REV3L: variants seen among roughly 807,000 people sequenced by gnomAD.
REV3L encodes the protein DNA polymerase zeta catalytic subunit.
In REV3L, 69 loss-of-function variants were observed where a neutral mutation model predicts 299.4. The observed-to-expected ratio is 0.23, with a 90% CI of 0.19 to 0.28. The LOEUF is 0.28. Ranked by LOEUF, REV3L falls within the 10% of genes least tolerant of loss-of-function variation. The pLI is 1.00. For missense variants in REV3L, 3,128 were observed against 3,693.8 expected, an observed-to-expected ratio of 0.85 and a Z score of 3.97; for synonymous variants, 1,238 against 1,271.4, an observed-to-expected ratio of 0.97 and a Z score of 0.56.
Position 111,310,777 on chromosome 6 carries a change from G to A in REV3L, c.8795+292C>T, listed in dbSNP as rs149967935. The A allele has an allele frequency of 2.8e-4, 83 of 293,402 alleles. No homozygotes were observed. The East Asian group carries it at 4.7e-3, about 17-fold the overall frequency. The allele number at this position is 293,402 out of a possible 1,614,324, so 18.2% of individuals were successfully genotyped here. ...CAGAATGATACCATCTAAATGCTTT[G>A]GTAGAACAATATTAAGGACTACCTA... On this transcript the variant is annotated intron_variant, in intron 29 of 31. Coordinates refer to ENST00000368802, the MANE Select transcript of REV3L (RefSeq NM_001372078.1).
chr6:111,300,254 G>T, intron 31 of REV3L, 98 bp from the exon 32 acceptor site: 1 of 904,550 alleles, frequency 1.1e-6, no homozygotes, highest in Non-Finnish European at 1.6e-6. Flanking sequence ...GACTACCACA[G>T]ATTACTGGCA....
intron 3 of REV3L, among the ~76,000 whole-genome samples, chr6:111,409,099 T>TAAA: frequency 6.6e-6 from 1 of 152,274 alleles, no homozygotes; most frequent in Non-Finnish European, 1.5e-5. Flanking sequence ...TTTACATGTT[T>TAAA]ACAAATCCTT....
intron 21 of REV3L, among the ~76,000 whole-genome samples, chr6:111,341,122 CCT>C (rs755637934): frequency 1.7e-4 from 26 of 148,590 alleles, no homozygotes; most frequent in Non-Finnish European, 3.3e-4. Context: ...GTCACTGCAA[CCT>C]CTGACTCCTG....
intron 22 of REV3L, among the ~76,000 whole-genome samples, chr6:111,334,161 A>G (rs1208879952): frequency 1.3e-5 from 2 of 151,808 alleles, no homozygotes; most frequent in Admixed American, 6.6e-5. Flanking sequence ...GTGGTCTTGA[A>G]CTCCTGACCT....
At chr6:111,447,004 C>G (rs1341459408) in intron 1 of REV3L, among the ~76,000 whole-genome samples, 1 of 152,206 alleles carries the variant, frequency 6.6e-6, no homozygotes. Flanking sequence ...ATACTGATCA[C>G]TAACCTCACA....
chr6:111,353,109 G>A lies in REV3L; in HGVS notation c.7185-1318C>T, dbSNP rs866803642. ...CTCATGAAACACTAAATTGTGAGATGTGCAGCCTGTCCAATTTACAGCATT... is the reference window on the plus strand; with the variant it reads ...CTCATGAAACACTAAATTGTGAGATATGCAGCCTGTCCAATTTACAGCATT... On this transcript the variant is annotated intron_variant, in intron 18 of 31. Coordinates refer to ENST00000368802, the MANE Select transcript of REV3L (RefSeq NM_001372078.1). Among the ~76,000 whole-genome samples, 6 of 152,270 alleles carry A rather than the reference G, an allele frequency of 3.9e-5. No individual in the cohort carries two copies. In the Middle Eastern group the frequency reaches 0.017, roughly 432 times the overall value.
intron 1 of REV3L, among the ~76,000 whole-genome samples, chr6:111,436,588 A>G (rs1787581167): frequency 1.3e-5 from 2 of 152,168 alleles, no homozygotes; most frequent in African/African-American, 2.4e-5. Context: ...AGTGGATCTC[A>G]TGAAGATATA....
At position 111,374,454 on chromosome 6, in the gene REV3L, C is replaced by G; in HGVS notation, c.3901G>C (p.Glu1301Gln). 1 of 1,613,868 alleles carries G rather than the reference C, an allele frequency of 6.2e-7. No individual in the cohort carries two copies. ...TGCAAATCTACAGACTTCTTGCTTT[C>G]TAAGAAAGAAGAAAAGCAGCCAGAT... ...KLSGCFSSFL[E>Q]SKKSVDLQTF... Residue 1301 changes from glutamate to glutamine, a missense_variant, in exon 13 of 32, where the codon GAA becomes CAA. By Grantham distance (29) the Glu-to-Gln change is conservative. Around this residue, in one of 9 missense-constraint regions of REV3L, gnomAD observed 2,409 missense variants for 2,611.8 expected, o/e 0.92. Transcript: ENST00000368802.
Position 111,373,634 on chromosome 6 carries a change from G to A in REV3L, c.4721C>T (p.Thr1574Ile). The change falls in exon 13 of 32, where the codon ACA becomes ATA. Residue 1574 changes from threonine (T) to isoleucine (I), a missense_variant. By Grantham distance (89) the Thr-to-Ile change is moderately conservative. Around this residue, in one of 9 missense-constraint regions of REV3L, gnomAD observed 2,409 missense variants for 2,611.8 expected, o/e 0.92. Coordinates refer to ENST00000368802, the MANE Select transcript of REV3L (RefSeq NM_001372078.1). ...TTTTCTTGGGGACGTTACCGATCGT[G>A]TCCGTTTATTTGCTTTGTTATGCTC... ...SLEHNKANKR[T>I]RSVTSPRKPR... The A allele has an allele frequency of 6.2e-7, 1 of 1,614,068 alleles. No homozygotes were observed. The highest frequency in any genetic ancestry group is 8.5e-7 in the Non-Finnish European group (1 of 1,179,986).
chr6:111,424,516 A>C (rs1358675430), intron 1 of REV3L, among the ~76,000 whole-genome samples: 1 of 152,246 alleles, frequency 6.6e-6, no homozygotes, highest in African/African-American at 2.4e-5. Context: ...CTAAAACAGC[A>C]AGCTTTGTGG....
rs1793951469 is a variant in REV3L at position 111,482,956 on chromosome 6, T to TCCCTCCGCAGCGGCGGCGGCGCCC, written c.-92_-69dup. On this transcript the variant is annotated 5_prime_UTR_variant, in exon 1 of 32. Transcript: ENST00000368802. ...CAGCGGCAGCAGCAGCGGCGGCGGC[T>TCCCTCCGCAGCGGCGGCGGCGCCC]CCCTCCGCAGCGGCGGCGGCGCCCC... is the stretch of plus-strand genomic sequence containing the variant. 1.4e-6 allele frequency: 2 copies of TCCCTCCGCAGCGGCGGCGGCGCCC among 1,440,320 alleles called. No individual in the cohort carries two copies. Among genetic ancestry groups the TCCCTCCGCAGCGGCGGCGGCGCCC allele is most frequent in the African/African-American group, 3.0e-5 (2 of 66,118 alleles). The allele number at this position is 1,440,320 out of a possible 1,614,324, so 89.2% of individuals were successfully genotyped here.
Position 111,392,720 on chromosome 6 carries a change from T to C in REV3L, c.662+156A>G, listed in dbSNP as rs567612078. The C allele has an allele frequency of 2.1e-5, 11 of 515,200 alleles. No individual in the cohort carries two copies. In the South Asian group the frequency reaches 3.6e-4, roughly 17 times the overall value. The allele number at this position is 515,200 out of a possible 1,614,324, so 31.9% of individuals were successfully genotyped here. A position where few individuals can be genotyped will look rare whatever the true frequency, so the allele number is the denominator to read the frequency against. Reference sequence around the variant, plus strand: ...TTTGTTTTTAAAATCGTTTATTCCTTGTAATACACTAATGTCAAGGTTTGT... The same window carrying C: ...TTTGTTTTTAAAATCGTTTATTCCTCGTAATACACTAATGTCAAGGTTTGT... On this transcript the variant is annotated intron_variant, in intron 5 of 31. Coordinates refer to ENST00000368802, the MANE Select transcript of REV3L (RefSeq NM_001372078.1).
chr6:111,387,723 T>A, intron 9 of REV3L, 42 bp downstream of exon 9: 1 of 1,555,486 alleles, frequency 6.4e-7, no homozygotes, highest in South Asian at 1.1e-5. Flanking sequence ...GTGCTAGATA[T>A]CTGTTCTAGT....
chr6:111,347,103 C>T (rs558813346), intron 20 of REV3L, among the ~76,000 whole-genome samples: 6 of 152,074 alleles, frequency 3.9e-5, no homozygotes, highest in Non-Finnish European at 7.4e-5. Context: ...AACCGTGTCT[C>T]TACTAAACAT....
At chr6:111,308,837 T>C (rs1407063640) in intron 30 of REV3L, among the ~76,000 whole-genome samples, 1 of 152,240 alleles carries the variant, frequency 6.6e-6, no homozygotes, top group East Asian at 1.9e-4. Flanking sequence ...TAGGAATGTG[T>C]TTGTAGAATA....
At chr6:111,345,225 A>G (rs1776906541) in intron 20 of REV3L, among the ~76,000 whole-genome samples, 1 of 152,200 alleles carries the variant, frequency 6.6e-6, no homozygotes, top group Non-Finnish European at 1.5e-5. Flanking sequence ...GCATGCAGAT[A>G]AAGAGGATGA....
At chr6:111,421,588 C>T (rs1785361840) in intron 1 of REV3L, among the ~76,000 whole-genome samples, 1 of 152,016 alleles carries the variant, frequency 6.6e-6, no homozygotes, top group South Asian at 2.1e-4. Flanking sequence ...AGACTTCTTT[C>T]TCCATCATCA....
At position 111,367,894 on chromosome 6, in the gene REV3L, G is replaced by A; in HGVS notation, c.5894C>T (p.Pro1965Leu). Residue 1965 changes from proline (P) to leucine (L), a missense_variant, in exon 14 of 32, where the codon CCA becomes CTA. Coordinates refer to ENST00000368802, the MANE Select transcript of REV3L (RefSeq NM_001372078.1). ...TTGGCCACTGCGAAGGGGTGACCCTGGCCTTGGATTCTGAGTCATTGCTGA... is the reference window on the plus strand; with the variant it reads ...TTGGCCACTGCGAAGGGGTGACCCTAGCCTTGGATTCTGAGTCATTGCTGA... Reference protein sequence around the residue: ...AFSAMTQNPRPGSPLRSGQGV... With the variant: ...AFSAMTQNPRLGSPLRSGQGV... 1 of 1,614,060 alleles carries A rather than the reference G, an allele frequency of 6.2e-7. No individual in the cohort carries two copies. The highest frequency in any genetic ancestry group is 2.2e-5 in the East Asian group (1 of 44,874).
chr6:111,414,346 C>T (rs1784549087), intron 2 of REV3L, among the ~76,000 whole-genome samples: 1 of 152,004 alleles, frequency 6.6e-6, no homozygotes, highest in Non-Finnish European at 1.5e-5. Flanking sequence ...TGAGAAACAA[C>T]TTGGATAGCA....
Sources: gnomAD v4.1 joint callset for allele counts (sites outside exome capture counted in the v4.1 genomes callset) on GRCh38, gnomAD v4.1.1 for gene constraint, gnomAD v4.1.1 regional missense constraint, MANE v1.5 for transcripts, NCBI Gene and HGNC (gene_info 2026-07-23, HGNC 2026-07-21) for gene names.